Variants in RANBP17 observed in about 807,000 individuals in gnomAD.
RANBP17 encodes RAN binding protein 17, also known as ran-binding protein 17.
A neutral mutation model predicts 141.2 loss-of-function variants in RANBP17; 158 were observed. The ratio of observed to expected loss-of-function variants is 1.12; its 90% CI spans 0.98 to 1.28. The LOEUF is 1.28. Ranked by LOEUF, RANBP17 falls within the 50% of genes most tolerant of loss-of-function variation. The probability of loss-of-function intolerance (pLI) is 0.00; values close to 1 mark genes in which losing one functional copy is unlikely to be tolerated. For synonymous variants in RANBP17, 430 were observed against 450.0 expected (o/e 0.96, Z 0.56); for missense variants, 1,438 against 1,290.7 (o/e 1.11, Z -1.75).
intron 14 of RANBP17, among the ~76,000 whole-genome samples, chr5:171,149,950 A>G (rs1758352637): frequency 6.6e-6 from 1 of 152,208 alleles, no homozygotes; most frequent in Non-Finnish European, 1.5e-5. Context: ...TCACGTAAGT[A>G]CTAGTGAACA....
intron 1 of RANBP17, among the ~76,000 whole-genome samples, chr5:170,876,316 A>G (rs1354885888): frequency 2.0e-5 from 3 of 150,676 alleles, no homozygotes. Context: ...TGGGATTTGC[A>G]TGTTGTTTTG....
rs181999465 is a variant in RANBP17 at position 170,911,505 on chromosome 5, G to A, written c.760+371G>A. The A allele has an allele frequency of 2.7e-5, 19 of 715,548 alleles. No individual in the cohort carries two copies. The East Asian group carries it at 4.9e-4, about 19-fold the overall frequency. 44.3% of individuals were successfully genotyped at this position (715,548 alleles called of 1,614,324 possible). On this transcript the variant is annotated intron_variant, in intron 7 of 27. Transcript: ENST00000523189. Reference sequence around the variant, plus strand: ...GCTGGTCAAACCTTTAAATCTTCAGGATCAGTGTTAGCAAAATCTGGTAAT... The same window carrying A: ...GCTGGTCAAACCTTTAAATCTTCAGAATCAGTGTTAGCAAAATCTGGTAAT...
At position 171,014,529 on chromosome 5, in the gene RANBP17, A is replaced by T. The variant is rs971365095; in HGVS notation, c.1710+46152A>T. ...AATTATCACTGTCCCCTTTAAAATG[A>T]TATTATACCATTTTACTTATCAAAA... On this transcript the variant is annotated intron_variant, in intron 14 of 27. Coordinates refer to ENST00000523189, the MANE Select transcript of RANBP17 (RefSeq NM_022897.5). 3.3e-5 allele frequency among the ~76,000 whole-genome samples: 5 copies of T among 152,042 alleles called. No individual in the cohort carries two copies. In the South Asian group the frequency reaches 1.0e-3, roughly 32 times the overall value.
intron 13 of RANBP17, among the ~76,000 whole-genome samples, chr5:170,967,705 C>G (rs1036880654): frequency 6.6e-6 from 1 of 151,136 alleles, no homozygotes; most frequent in Admixed American, 6.6e-5. Context: ...TAAAGATCAC[C>G]TTGTAGTTTA....
chr5:171,289,339 C>G (rs1053396461), intron 25 of RANBP17, among the ~76,000 whole-genome samples: 2 of 152,208 alleles, frequency 1.3e-5, no homozygotes, highest in African/African-American at 2.4e-5. Flanking sequence ...ACCCACTGAG[C>G]CTTCAACTTT....
rs530561970 is a variant in RANBP17 at position 171,092,981 on chromosome 5, G to A, written c.1711-77149G>A. ...TCTATGCCACTGCCTGTGAATTTGT[G>A]GGAAGACAAGTGTATTGTAAAGTCA... On this transcript the variant is annotated intron_variant, in intron 14 of 27. Coordinates refer to ENST00000523189, the MANE Select transcript of RANBP17 (RefSeq NM_022897.5). Among the ~76,000 whole-genome samples the A allele has an allele frequency of 9.9e-5, 15 of 152,252 alleles. No homozygotes were observed. The South Asian group carries it at 2.9e-3, about 29-fold the overall frequency.
chr5:171,186,895 T>C (rs1761296018), intron 18 of RANBP17, among the ~76,000 whole-genome samples: 1 of 152,148 alleles, frequency 6.6e-6, no homozygotes, highest in Non-Finnish European at 1.5e-5. Flanking sequence ...GGCATTTTAA[T>C]TTAATCGCTT....
chr5:170,890,192 A>G (rs1769482686), intron 3 of RANBP17, among the ~76,000 whole-genome samples: 1 of 152,202 alleles, frequency 6.6e-6, no homozygotes, highest in African/African-American at 2.4e-5. Flanking sequence ...ATCCACTGCA[A>G]GATGAACATT....
chr5:171,141,119 CT>C (rs1757661719), intron 14 of RANBP17, among the ~76,000 whole-genome samples: 1 of 151,964 alleles, frequency 6.6e-6, no homozygotes, highest in South Asian at 2.1e-4. Context: ...AAAAATGTTT[CT>C]TTTTTCCTTT....
chr5:171,063,056 T>C (rs888410342), intron 14 of RANBP17, among the ~76,000 whole-genome samples: 4 of 152,106 alleles, frequency 2.6e-5, no homozygotes, highest in Non-Finnish European at 5.9e-5. Flanking sequence ...TAGTTATACA[T>C]TCATCTAAAT....
chr5:170,903,102 C>T (rs577043042), intron 5 of RANBP17, among the ~76,000 whole-genome samples: 8 of 152,324 alleles, frequency 5.3e-5, no homozygotes, highest in East Asian at 1.9e-4. Flanking sequence ...TGCCCACAGC[C>T]GCCCCTTCCC....
At chr5:171,136,701 A>G (rs2127799476) in intron 14 of RANBP17, among the ~76,000 whole-genome samples, 1 of 152,240 alleles carries the variant, frequency 6.6e-6, no homozygotes, top group East Asian at 1.9e-4. Flanking sequence ...TTTTTGGTAT[A>G]TGTAGATATG....
chr5:170,964,055 T>C (rs918360633), intron 13 of RANBP17, among the ~76,000 whole-genome samples: 6 of 152,186 alleles, frequency 3.9e-5, no homozygotes, highest in Non-Finnish European at 5.9e-5. Context: ...TTTTCAACTT[T>C]CCAGAAATTC....
At chr5:171,199,183 GTT>G (rs1762151960) in intron 18 of RANBP17, among the ~76,000 whole-genome samples, 4 of 152,004 alleles carry the variant, frequency 2.6e-5, no homozygotes, top group African/African-American at 7.2e-5. Flanking sequence ...GCAGATAAAA[GTT>G]TCCCTGCCAT....
intron 4 of RANBP17, 41 bp downstream of exon 4, chr5:170,892,594 C>CT (rs752943557): frequency 1.4e-5 from 22 of 1,558,972 alleles, no homozygotes; most frequent in African/African-American, 2.7e-5. Flanking sequence ...TCACTACTTG[C>CT]TTTTTTTGGT....
At chr5:170,897,872 G>A (rs968718414) in intron 5 of RANBP17, among the ~76,000 whole-genome samples, 1 of 152,196 alleles carries the variant, frequency 6.6e-6, no homozygotes, top group Admixed American at 6.5e-5. Context: ...GTAAACATAT[G>A]TGTGCATGTG....
At chr5:171,210,255 C>T (rs1762798372) in intron 20 of RANBP17, among the ~76,000 whole-genome samples, 1 of 152,090 alleles carries the variant, frequency 6.6e-6, no homozygotes, top group Non-Finnish European at 1.5e-5. Context: ...GTAATTGAGC[C>T]TGGCACTCTC....
chr5:170,929,363 C>T (rs750196580), intron 12 of RANBP17, among the ~76,000 whole-genome samples: 3 of 152,034 alleles, frequency 2.0e-5, no homozygotes, highest in Non-Finnish European at 4.4e-5. Context: ...GTTATCTGTA[C>T]GCTGTTTGAA....
At chr5:171,172,822 C>A (rs1760193177) in intron 16 of RANBP17, among the ~76,000 whole-genome samples, 1 of 151,544 alleles carries the variant, frequency 6.6e-6, no homozygotes, top group African/African-American at 2.4e-5. Context: ...TATTTAAGAT[C>A]TTTTTCTATC....
Sources: gnomAD v4.1 joint callset for allele counts (sites outside exome capture counted in the v4.1 genomes callset) on GRCh38, gnomAD v4.1.1 for gene constraint, MANE v1.5 for transcripts, NCBI Gene and HGNC (gene_info 2026-07-23, HGNC 2026-07-21) for gene names.